Variants in TET3 observed in about 807,000 individuals in gnomAD.
TET3 encodes the protein methylcytosine dioxygenase TET3.
In TET3, 19 loss-of-function variants were observed where a neutral mutation model predicts 141.4. That is an observed-to-expected ratio of 0.13 (90% confidence interval 0.09 to 0.20). The LOEUF (loss-of-function observed/expected upper bound fraction) is 0.20. TET3 is among the 10% of genes least tolerant of loss of function. The pLI is 1.00. For synonymous variants in TET3, 1,043 were observed against 980.9 expected, an observed-to-expected ratio of 1.06 and a Z score of -1.18; for missense variants, 1,874 against 2,356.9, an observed-to-expected ratio of 0.80 and a Z score of 4.24.
intron 3 of TET3, among the ~76,000 whole-genome samples, chr2:74,044,725 T>C (rs147061470): frequency 6.6e-6 from 1 of 152,354 alleles, no homozygotes; most frequent in African/African-American, 2.4e-5. Flanking sequence ...TGAACGCCTG[T>C]CGCAAAGTCA....
chr2:74,083,839 G>A, intron 6 of TET3, among the ~76,000 whole-genome samples: 1 of 152,168 alleles, frequency 6.6e-6, no homozygotes, highest in East Asian at 1.9e-4. Context: ...GGTGACTTGT[G>A]TGCTCTGAAT....
chr2:74,120,134 C>A, the TET3 span, among the ~76,000 whole-genome samples: 1 of 152,224 alleles, frequency 6.6e-6, no homozygotes, highest in Non-Finnish European at 1.5e-5. Flanking sequence ...CCAGGTTCTT[C>A]CCTGGGTGCT....
chr2:74,055,271 A>G (rs1464908152), intron 4 of TET3, among the ~76,000 whole-genome samples: 2 of 152,158 alleles, frequency 1.3e-5, no homozygotes. Flanking sequence ...TTTTTGGTCA[A>G]CTGGTCAGCC....
chr2:73,985,455 C>T, intron 1 of TET3, among the ~76,000 whole-genome samples: 1 of 143,332 alleles, frequency 7.0e-6, no homozygotes, highest in South Asian at 2.1e-4. Flanking sequence ...CGCCCCCCTC[C>T]CCGCGCCCCT....
chr2:74,040,337 A>T (rs1687279329), intron 3 of TET3, among the ~76,000 whole-genome samples: 2 of 152,164 alleles, frequency 1.3e-5, no homozygotes, highest in Admixed American at 1.3e-4. Flanking sequence ...ACATACACAC[A>T]GAAGGACCCA....
chr2:74,031,502 C>T (rs936215779), intron 3 of TET3, among the ~76,000 whole-genome samples: 10 of 152,164 alleles, frequency 6.6e-5, no homozygotes, highest in South Asian at 6.2e-4. Context: ...GGCTAATAAA[C>T]GAGTAGTGAC....
intron 4 of TET3, among the ~76,000 whole-genome samples, chr2:74,063,893 CAAAA>C (rs70965781): frequency 1.0e-4 from 11 of 106,328 alleles, no homozygotes; most frequent in Non-Finnish European, 1.5e-4. Context: ...TCTCTGCAGA[CAAAA>C]AAAAAAAAAA....
chr2:74,039,889 T>C (rs1235549600), intron 3 of TET3, among the ~76,000 whole-genome samples: 1 of 152,180 alleles, frequency 6.6e-6, no homozygotes, highest in Non-Finnish European at 1.5e-5. Flanking sequence ...AGGCAGAAGC[T>C]GAATTGCCTT....
At chr2:74,099,184 G>A (rs1691017969) in intron 10 of TET3, 92 bp from the exon 11 acceptor site, 2 of 1,160,424 alleles carry the variant, frequency 1.7e-6, no homozygotes, top group Non-Finnish European at 2.4e-6. Context: ...TGTGGGGAAA[G>A]ATGAGGTCAT....
At chr2:74,002,500 T>C (rs977726629) in intron 2 of TET3, among the ~76,000 whole-genome samples, 1 of 151,572 alleles carries the variant, frequency 6.6e-6, no homozygotes, top group Non-Finnish European at 1.5e-5. Flanking sequence ...GGGGGTGCCC[T>C]GGGATGCCCC....
intron 3 of TET3, among the ~76,000 whole-genome samples, chr2:74,035,185 G>A (rs1281811053): frequency 1.7e-4 from 22 of 131,834 alleles, no homozygotes; most frequent in Admixed American, 1.6e-3. Context: ...CTGGGCAACA[G>A]AGTGAGACTC....
chr2:74,002,825 G>A, intron 2 of TET3: 1 of 571,778 alleles, frequency 1.7e-6, no homozygotes, highest in South Asian at 2.2e-5. Context: ...GGCCGGGGAT[G>A]GCCGGGCGGA....
chr2:74,036,454 C>T (rs373682760), intron 3 of TET3, among the ~76,000 whole-genome samples: 26 of 152,326 alleles, frequency 1.7e-4, no homozygotes, highest in African/African-American at 6.0e-4. Flanking sequence ...TTGTAATTCT[C>T]TGCTGTTCAT....
intron 3 of TET3, among the ~76,000 whole-genome samples, chr2:74,031,688 G>A (rs971798148): frequency 5.9e-5 from 9 of 152,174 alleles, no homozygotes; most frequent in African/African-American, 9.7e-5. Flanking sequence ...TGGCTGGTAG[G>A]TGGATACCCT....
intron 3 of TET3, among the ~76,000 whole-genome samples, chr2:74,005,124 T>C (rs13404452): frequency 0.12 from 17,557 of 152,184 alleles, 1,108 homozygotes; most frequent in African/African-American, 0.14. Flanking sequence ...TCTCTTCAGC[T>C]CTTTCCAAGT....
intron 3 of TET3, among the ~76,000 whole-genome samples, chr2:74,043,084 A>T (rs1482766581): frequency 6.6e-6 from 1 of 152,200 alleles, no homozygotes. Flanking sequence ...CTCATGTAGC[A>T]TTAGTCTCCC....
the TET3 span, among the ~76,000 whole-genome samples, chr2:74,133,992 C>G: frequency 6.6e-6 from 1 of 152,078 alleles, no homozygotes; most frequent in Non-Finnish European, 1.5e-5. Context: ...ATCCCCCCCC[C>G]TCGGCCTCTC....
Position 74,100,658 on chromosome 2 carries a change from A to C in TET3, c.3870A>C (p.Pro1290=). The stretch of plus-strand genomic sequence containing the variant: ...CGTCTTTTAGCTACTATGGCTTTCC[A>C]TCCAGCAACCCCGTCTTCCCCTCTC... ...ALPSFSYYGF[P]SSNPVFPSQF... Residue 1290 remains proline (P), a synonymous_variant, in exon 12 of 12, where the codon CCA becomes CCC. Coordinates refer to ENST00000409262, the MANE Select transcript of TET3 (RefSeq NM_001287491.2). 6.2e-7 allele frequency: 1 copy of C among 1,613,938 alleles called. No homozygotes were observed. The highest frequency in any genetic ancestry group is 8.5e-7 in the Non-Finnish European group (1 of 1,179,876).
chr2:74,012,655 C>A (rs1213925086), intron 3 of TET3, among the ~76,000 whole-genome samples: 1 of 152,196 alleles, frequency 6.6e-6, no homozygotes, highest in Non-Finnish European at 1.5e-5. Flanking sequence ...CCTCCTAGGA[C>A]CGTCTTTGCA....
Sources: gnomAD v4.1 joint callset for allele counts (sites outside exome capture counted in the v4.1 genomes callset) on GRCh38, gnomAD v4.1.1 for gene constraint, MANE v1.5 for transcripts, NCBI Gene and HGNC (gene_info 2026-07-23, HGNC 2026-07-21) for gene names.